GRIN3A: variants seen among roughly 807,000 people sequenced by gnomAD.
GRIN3A encodes glutamate ionotropic receptor NMDA type subunit 3A, also known as glutamate receptor ionotropic, NMDA 3A.
Under a neutral mutation model 92.4 loss-of-function variants are expected in GRIN3A, and 47 were observed. The observed-to-expected ratio is 0.51, with a 90% CI of 0.40 to 0.65. The LOEUF (loss-of-function observed/expected upper bound fraction) is 0.65. Ranked by LOEUF, GRIN3A falls within the 30% of genes least tolerant of loss-of-function variation. The probability of loss-of-function intolerance (pLI) is 0.00; values close to 1 mark genes in which losing one functional copy is unlikely to be tolerated. For synonymous variants in GRIN3A, 527 were observed against 540.6 expected (o/e 0.97, Z 0.35); for missense variants, 1,324 against 1,393.1 (o/e 0.95, Z 0.79).
intron 5 of GRIN3A, among the ~76,000 whole-genome samples, chr9:101,615,647 G>A (rs1220974581): frequency 6.6e-6 from 1 of 152,058 alleles, no homozygotes; most frequent in Admixed American, 6.5e-5. Context: ...GAACCACTGC[G>A]CCCGGCCTAT....
At chr9:101,617,227 G>C (rs1049908237) in intron 5 of GRIN3A, among the ~76,000 whole-genome samples, 3 of 124,240 alleles carry the variant, frequency 2.4e-5, no homozygotes, top group Non-Finnish European at 3.5e-5. Flanking sequence ...AAAAAAAAAA[G>C]AAAATTCAAA....
intron 2 of GRIN3A, among the ~76,000 whole-genome samples, chr9:101,685,703 TAAAC>T (rs552107614): frequency 1.1e-3 from 167 of 151,468 alleles, no homozygotes; most frequent in African/African-American, 3.5e-3. Context: ...AATTTAAAAA[TAAAC>T]AAATATAATT....
chr9:101,579,323 A>G lies in GRIN3A; in HGVS notation c.2804T>C (p.Phe935Ser), dbSNP rs1827862411. The G allele has an allele frequency of 6.2e-7, 1 of 1,613,924 alleles. No homozygotes were observed. The highest frequency in any genetic ancestry group is 1.1e-5 in the South Asian group (1 of 91,092). The change falls in exon 7 of 9, where the codon TTT becomes TCT. Residue 935 changes from phenylalanine (F) to serine (S), a missense_variant. Transcript: ENST00000361820. ...ACCAAATCCAATGCACAGCAGCACA[A>G]AGAGCCCAGAGAAGTGTTTGATGCC... The part of the protein sequence containing the change: ...QMGIKHFSGL[F>S]VLLCIGFGLS...
intron 2 of GRIN3A, among the ~76,000 whole-genome samples, chr9:101,682,897 G>A (rs1404506876): frequency 6.6e-6 from 1 of 152,336 alleles, no homozygotes; most frequent in East Asian, 1.9e-4. Flanking sequence ...CAGGAGAATG[G>A]CGTGAACCAG....
At chr9:101,611,795 T>C (rs1210535273) in intron 6 of GRIN3A, among the ~76,000 whole-genome samples, 1 of 152,194 alleles carries the variant, frequency 6.6e-6, no homozygotes. Context: ...TATGACATAA[T>C]GTGAGATATA....
At chr9:101,656,581 C>A (rs1330082283) in intron 3 of GRIN3A, among the ~76,000 whole-genome samples, 1 of 151,818 alleles carries the variant, frequency 6.6e-6, no homozygotes, top group Non-Finnish European at 1.5e-5. Context: ...CAGAATACAC[C>A]TAGGGATCTT....
At chr9:101,714,775 A>G (rs2119019009) in intron 1 of GRIN3A, among the ~76,000 whole-genome samples, 1 of 152,326 alleles carries the variant, frequency 6.6e-6, no homozygotes, top group East Asian at 1.9e-4. Context: ...ATCTTGACAA[A>G]ATCAATGCAA....
At chr9:101,635,962 G>A (rs1256173978) in intron 3 of GRIN3A, among the ~76,000 whole-genome samples, 2 of 152,080 alleles carry the variant, frequency 1.3e-5, no homozygotes, top group Non-Finnish European at 2.9e-5. Context: ...TCAGCTCAGT[G>A]CAACCTCCGT....
chr9:101,614,794 T>C (rs1393193092), intron 5 of GRIN3A, among the ~76,000 whole-genome samples: 3 of 151,648 alleles, frequency 2.0e-5, no homozygotes, highest in African/African-American at 7.3e-5. Flanking sequence ...AATTTTTGTA[T>C]TTTTTGTTGA....
At chr9:101,628,133 T>C (rs1828658560) in intron 4 of GRIN3A, 123 bp downstream of exon 4, 4 of 853,708 alleles carry the variant, frequency 4.7e-6, no homozygotes, top group African/African-American at 1.7e-5. Context: ...GTGTAAAGTA[T>C]TACTTAACAC....
At chr9:101,672,664 G>A (rs1472482581) in intron 2 of GRIN3A, among the ~76,000 whole-genome samples, 2 of 152,106 alleles carry the variant, frequency 1.3e-5, no homozygotes, top group African/African-American at 4.8e-5. Flanking sequence ...CAGAAAGTGT[G>A]AAGTACGTAC....
At chr9:101,636,193 T>G (rs1828782832) in intron 3 of GRIN3A, among the ~76,000 whole-genome samples, 1 of 152,232 alleles carries the variant, frequency 6.6e-6, no homozygotes, top group African/African-American at 2.4e-5. Flanking sequence ...TAGCTGAGTT[T>G]TGTTCATTCC....
At chr9:101,708,064 A>G (rs1564149382) in intron 1 of GRIN3A, among the ~76,000 whole-genome samples, 3 of 152,330 alleles carry the variant, frequency 2.0e-5, no homozygotes, top group Middle Eastern at 6.8e-3. Flanking sequence ...CCACATATGT[A>G]ATAGACTTAG....
At position 101,737,264 on chromosome 9, in the gene GRIN3A, C is replaced by A; in HGVS notation, c.699+17G>T. 6.2e-7 allele frequency: 1 copy of A among 1,609,932 alleles called. No homozygotes were observed. Among genetic ancestry groups the A allele is most frequent in the Non-Finnish European group, 8.5e-7 (1 of 1,176,142 alleles). On this transcript the variant is annotated intron_variant, in intron 1 of 8. Coordinates refer to ENST00000361820, the MANE Select transcript of GRIN3A (RefSeq NM_133445.3). The stretch of plus-strand genomic sequence containing the variant: ...CAGCAGCGCCCATCTCCACTCCACG[C>A]ACCAGGCTCCTCTCACCTGACTCTC...
intron 1 of GRIN3A, among the ~76,000 whole-genome samples, chr9:101,710,912 T>C (rs1047719213): frequency 1.3e-4 from 20 of 152,230 alleles, no homozygotes; most frequent in Non-Finnish European, 2.1e-4. Flanking sequence ...ATGCTATGTT[T>C]TCTCATATAC....
At chr9:101,617,754 G>A (rs938604236) in intron 5 of GRIN3A, among the ~76,000 whole-genome samples, 7 of 148,368 alleles carry the variant, frequency 4.7e-5, no homozygotes, top group African/African-American at 1.6e-4. Context: ...CCCACTACTC[G>A]TCATCTAGCA....
chr9:101,695,011 A>G (rs1588286845), intron 1 of GRIN3A, among the ~76,000 whole-genome samples: 1 of 152,206 alleles, frequency 6.6e-6, no homozygotes. Context: ...CGATTTACCA[A>G]TTATATATGT....
chr9:101,735,285 A>T (rs1489383564), intron 1 of GRIN3A, among the ~76,000 whole-genome samples: 1 of 151,922 alleles, frequency 6.6e-6, no homozygotes, highest in African/African-American at 2.4e-5. Flanking sequence ...TGTGCCATGA[A>T]GGTAACAGTG....
intron 1 of GRIN3A, among the ~76,000 whole-genome samples, chr9:101,732,635 A>G (rs1830154219): frequency 6.6e-6 from 1 of 152,138 alleles, no homozygotes; most frequent in African/African-American, 2.4e-5. Flanking sequence ...GTGTAAGGGG[A>G]ATGCAAACAT....
Sources: gnomAD v4.1 joint callset for allele counts (sites outside exome capture counted in the v4.1 genomes callset) on GRCh38, gnomAD v4.1.1 for gene constraint, MANE v1.5 for transcripts, NCBI Gene and HGNC (gene_info 2026-07-23, HGNC 2026-07-21) for gene names.